PTPRR: variants seen among roughly 807,000 people sequenced by gnomAD.
The protein encoded by PTPRR is receptor-type tyrosine-protein phosphatase R.
PTPRR carries 38 observed loss-of-function variants against 77.2 expected under a neutral mutation model. The observed-to-expected ratio is 0.49, with a 90% confidence interval of 0.38 to 0.65. The LOEUF is 0.65. Among genes scored for constraint, PTPRR ranks in the 30% least tolerant of loss-of-function variants. The pLI, the probability that PTPRR is intolerant of heterozygous loss-of-function variation, is 0.00. For missense variants in PTPRR, 744 were observed against 799.2 expected (o/e 0.93, Z 0.83); for synonymous variants, 299 against 283.1 (o/e 1.06, Z -0.57).
chr12:70,753,602 T>C (rs756226602), intron 5 of PTPRR, among the ~76,000 whole-genome samples: 49 of 152,248 alleles, frequency 3.2e-4, no homozygotes, highest in Non-Finnish European at 6.6e-4. Context: ...TTTTAAAGGC[T>C]ACACATTATT....
At chr12:70,776,461 C>T (rs1402733120) in intron 2 of PTPRR, among the ~76,000 whole-genome samples, 2 of 152,134 alleles carry the variant, frequency 1.3e-5, no homozygotes, top group African/African-American at 4.8e-5. Flanking sequence ...CCCAATCAAG[C>T]TACTATTCTG....
intron 6 of PTPRR, 22 bp downstream of exon 6, chr12:70,745,796 G>A: frequency 6.2e-7 from 1 of 1,609,384 alleles, no homozygotes; most frequent in Non-Finnish European, 8.5e-7. Flanking sequence ...CCACACGTAG[G>A]GTATACAGAA....
At chr12:70,743,406 T>C (rs1056154336) in intron 6 of PTPRR, among the ~76,000 whole-genome samples, 6 of 152,124 alleles carry the variant, frequency 3.9e-5, no homozygotes, top group Admixed American at 2.0e-4. Flanking sequence ...TTTTAAGACA[T>C]GTATTTGAGA....
rs1887676976 is a variant in PTPRR at position 70,681,923 on chromosome 12, CA to C, written c.1497+2203del. 3.3e-5 allele frequency among the ~76,000 whole-genome samples: 5 copies of C among 151,552 alleles called. No homozygotes were observed. In the South Asian group the frequency reaches 1.0e-3, roughly 32 times the overall value. On this transcript the variant is annotated intron_variant, in intron 10 of 13. Coordinates refer to ENST00000283228, the MANE Select transcript of PTPRR (RefSeq NM_002849.4). ...TTGATTTTTGAATTCTGTGATTTCTCAGCTTTAAATACTCAAGAGAGCCTTT... is the reference window on the plus strand; with the variant it reads ...TTGATTTTTGAATTCTGTGATTTCTCGCTTTAAATACTCAAGAGAGCCTTT...
chr12:70,856,093 A>G (rs951263801), intron 2 of PTPRR, among the ~76,000 whole-genome samples: 5 of 152,192 alleles, frequency 3.3e-5, no homozygotes, highest in Non-Finnish European at 5.9e-5. Flanking sequence ...TTAAAAAAAA[A>G]TCTTCAGGAC....
intron 2 of PTPRR, among the ~76,000 whole-genome samples, chr12:70,800,027 T>C (rs937648369): frequency 3.9e-5 from 6 of 152,202 alleles, no homozygotes; most frequent in Admixed American, 2.0e-4. Context: ...TCTACCTATT[T>C]ACCTGGAGGT....
chr12:70,848,673 T>C (rs1334431740), intron 2 of PTPRR, among the ~76,000 whole-genome samples: 1 of 152,148 alleles, frequency 6.6e-6, no homozygotes, highest in Non-Finnish European at 1.5e-5. Context: ...TATCTAATAA[T>C]TTAAGAATGC....
chr12:70,919,253 G>A (rs1177155597), intron 1 of PTPRR, among the ~76,000 whole-genome samples: 1 of 152,172 alleles, frequency 6.6e-6, no homozygotes, highest in Non-Finnish European at 1.5e-5. Context: ...CTCAGCAAAT[G>A]TTGCTTGAAG....
intron 2 of PTPRR, among the ~76,000 whole-genome samples, chr12:70,846,461 T>C (rs2137064850): frequency 6.6e-6 from 1 of 152,222 alleles, no homozygotes; most frequent in Non-Finnish European, 1.5e-5. Flanking sequence ...AATGGTTATA[T>C]TAGTTACGAA....
chr12:70,863,008 G>A (rs1038125101), intron 2 of PTPRR, among the ~76,000 whole-genome samples: 6 of 152,248 alleles, frequency 3.9e-5, no homozygotes, highest in African/African-American at 1.4e-4. Context: ...GGAGGAACAG[G>A]TGGACTAGTG....
intron 2 of PTPRR, among the ~76,000 whole-genome samples, chr12:70,861,467 A>G (rs968565678): frequency 1.3e-5 from 2 of 152,154 alleles, no homozygotes; most frequent in Admixed American, 6.6e-5. Flanking sequence ...GAAAAATAGG[A>G]TAAACTTTTG....
intron 12 of PTPRR, 22 bp from the exon 13 acceptor site, chr12:70,656,839 T>C (rs745486121): frequency 2.0e-6 from 3 of 1,472,392 alleles, no homozygotes; most frequent in Non-Finnish European, 2.8e-6. Context: ...AGAAAAGAAA[T>C]TTAAAAAGTG....
intron 10 of PTPRR, among the ~76,000 whole-genome samples, chr12:70,663,658 CTA>C (rs1171553285): frequency 1.3e-5 from 2 of 152,232 alleles, no homozygotes; most frequent in East Asian, 1.9e-4. Context: ...TGTAAAATAA[CTA>C]TTTTTTACCA....
intron 6 of PTPRR, among the ~76,000 whole-genome samples, chr12:70,723,691 A>G (rs1889338270): frequency 6.6e-6 from 1 of 152,230 alleles, no homozygotes; most frequent in Admixed American, 6.5e-5. Flanking sequence ...CAACCAAAGC[A>G]TCAACAAATT....
chr12:70,846,334 T>C (rs1473290903), intron 2 of PTPRR, among the ~76,000 whole-genome samples: 2 of 152,178 alleles, frequency 1.3e-5, no homozygotes, highest in Non-Finnish European at 2.9e-5. Context: ...ATGTGGCTTA[T>C]GAGCATCTTG....
At chr12:70,854,984 A>T (rs1892629016) in intron 2 of PTPRR, among the ~76,000 whole-genome samples, 2 of 152,186 alleles carry the variant, frequency 1.3e-5, no homozygotes, top group African/African-American at 2.4e-5. Context: ...AGGGTCAGAA[A>T]TGTAAACAAA....
In PTPRR at chr12:70,672,494, C is replaced by A. The variant is rs539164539; in HGVS notation, c.1498-9889G>T. On this transcript the variant is annotated intron_variant, in intron 10 of 13. Coordinates refer to ENST00000283228, the MANE Select transcript of PTPRR (RefSeq NM_002849.4). ...TTCACTGCGGCTCATAACGTGAGTG[C>A]TCATGACTGGCAAATGAGACATGAT... 1.7e-4 allele frequency: 200 copies of A among 1,184,254 alleles called. No individual in the cohort carries two copies. In the South Asian group the frequency reaches 2.3e-3, roughly 14 times the overall value. The allele number at this position is 1,184,254 out of a possible 1,614,324, so 73.4% of individuals were successfully genotyped here.
chr12:70,736,566 T>G (rs1889868265), intron 6 of PTPRR, among the ~76,000 whole-genome samples: 1 of 152,158 alleles, frequency 6.6e-6, no homozygotes, highest in South Asian at 2.1e-4. Flanking sequence ...GGCCATAACT[T>G]ATACTCTCTG....
intron 2 of PTPRR, among the ~76,000 whole-genome samples, chr12:70,800,321 A>T (rs1409365721): frequency 6.7e-6 from 1 of 149,276 alleles, no homozygotes; most frequent in Non-Finnish European, 1.5e-5. Context: ...GTCCATGAGT[A>T]CTTACAAAAT....
Sources: allele counts gnomAD v4.1 joint callset (sites outside exome capture counted in the v4.1 genomes callset), GRCh38; gene constraint gnomAD v4.1.1; transcripts MANE v1.5; gene names NCBI Gene and HGNC (gene_info 2026-07-23, HGNC 2026-07-21).